STX18: variants seen among roughly 807,000 people sequenced by gnomAD.
STX18 encodes the protein syntaxin 18, also known as syntaxin-18.
STX18 carries 40 observed loss-of-function variants against 50.1 expected under a neutral mutation model. The observed-to-expected ratio is 0.80, with a 90% CI of 0.62 to 1.04. STX18 has a LOEUF of 1.04. Among genes scored for constraint, STX18 ranks in the 50% least tolerant of loss-of-function variants. The pLI is 0.00. For synonymous variants in STX18, 158 were observed against 151.8 expected (o/e 1.04, Z -0.30); for missense variants, 410 against 415.8 (o/e 0.99, Z 0.12).
intron 3 of STX18, among the ~76,000 whole-genome samples, chr4:4,458,310 T>C (rs1366548570): frequency 6.6e-6 from 1 of 152,224 alleles, no homozygotes; most frequent in African/African-American, 2.4e-5. Context: ...TGAATGTATA[T>C]GCCCTTAAGG....
intron 1 of STX18, among the ~76,000 whole-genome samples, chr4:4,532,975 G>A (rs373483443): frequency 1.3e-5 from 2 of 152,106 alleles, no homozygotes; most frequent in Admixed American, 6.5e-5. Flanking sequence ...CAAATTCCAT[G>A]GTAAGAACAT....
chr4:4,541,986 C>T lies in STX18; in HGVS notation c.-22G>A, dbSNP rs907418282. 2 of 1,564,564 alleles carry T rather than the reference C, an allele frequency of 1.3e-6. No homozygotes were observed. Among genetic ancestry groups the T allele is most frequent in the South Asian group, 2.3e-5 (2 of 85,742 alleles). ...CCATAGCGACCCGCACCCTCAGCCC[C>T]ACACTAGGCCCGCCCACGTAAGCAG... On this transcript the variant is annotated 5_prime_UTR_variant, in exon 1 of 11. Transcript: ENST00000306200.
At position 4,420,943 on chromosome 4, in the gene STX18, T is replaced by C. The variant is rs1412240004; in HGVS notation, c.833A>G (p.Glu278Gly). 2 of 1,613,986 alleles carry C rather than the reference T, an allele frequency of 1.2e-6. No individual in the cohort carries two copies. The highest frequency in any genetic ancestry group is 2.7e-5 in the African/African-American group (2 of 74,928). Residue 278 changes from glutamate (E) to glycine (G), a missense_variant and splice_region_variant, in exon 10 of 11, where the codon GAA becomes GGA. Glu to Gly is a moderately conservative substitution (Grantham distance 98, BLOSUM62 -2). Coordinates refer to ENST00000306200, the MANE Select transcript of STX18 (RefSeq NM_016930.4). The surrounding 1 kb of genome is among the most constrained non-coding windows in gnomAD (Gnocchi z 4.3). ...EIFTEKVLQQEAEIDSIHQLV... is the reference protein window; with the variant it reads ...EIFTEKVLQQGAEIDSIHQLV... Reference sequence around the variant, plus strand: ...CTGGTGAATGCTGTCAATCTCAGCTTCCTGTGGAAGAAAAGATAAATACAA... The same window carrying C: ...CTGGTGAATGCTGTCAATCTCAGCTCCCTGTGGAAGAAAAGATAAATACAA...
chr4:4,445,543 C>T (rs945689843), intron 5 of STX18, among the ~76,000 whole-genome samples: 7 of 150,802 alleles, frequency 4.6e-5, no homozygotes, highest in Admixed American at 2.6e-4. Flanking sequence ...ATACTAGCAA[C>T]GAGAAACTGG....
At chr4:4,465,813 A>G (rs1727593982) in intron 2 of STX18, among the ~76,000 whole-genome samples, 2 of 152,218 alleles carry the variant, frequency 1.3e-5, no homozygotes, top group South Asian at 4.1e-4. Context: ...TGCAGTACCT[A>G]TCATATCTGC....
chr4:4,434,314 G>A (rs1725669505), intron 7 of STX18, among the ~76,000 whole-genome samples: 1 of 152,188 alleles, frequency 6.6e-6, no homozygotes, highest in Admixed American at 6.5e-5. Flanking sequence ...TAGATGGTAA[G>A]CTATAGCAGC....
At chr4:4,467,388 G>C (rs889853006) in intron 2 of STX18, among the ~76,000 whole-genome samples, 1 of 152,182 alleles carries the variant, frequency 6.6e-6, no homozygotes, top group African/African-American at 2.4e-5. Context: ...AGGCAAGATG[G>C]AGTTGATTAG....
At chr4:4,530,155 T>C (rs867598450) in intron 1 of STX18, among the ~76,000 whole-genome samples, 11 of 152,268 alleles carry the variant, frequency 7.2e-5, no homozygotes, top group African/African-American at 2.4e-4. Flanking sequence ...CTGTTTTGCT[T>C]TTCATTTCAA....
At chr4:4,516,187 A>T (rs1447268406) in intron 1 of STX18, among the ~76,000 whole-genome samples, 1 of 152,186 alleles carries the variant, frequency 6.6e-6, no homozygotes, top group African/African-American at 2.4e-5. Flanking sequence ...TTAGACACAG[A>T]TGGGCTCTGT....
intron 1 of STX18, among the ~76,000 whole-genome samples, chr4:4,540,785 G>A (rs1731550354): frequency 6.6e-6 from 1 of 152,170 alleles, no homozygotes; most frequent in Non-Finnish European, 1.5e-5. Context: ...TCTGCTAACT[G>A]TCATTAATGC....
chr4:4,447,062 A>T (rs112807781), intron 5 of STX18, among the ~76,000 whole-genome samples: 1 of 152,242 alleles, frequency 6.6e-6, no homozygotes, highest in Non-Finnish European at 1.5e-5. Context: ...TAAACTGAGG[A>T]TCTGCTCCAT....
chr4:4,444,153 C>T lies in STX18; in HGVS notation c.498-5644G>A, dbSNP rs367949233. 7.9e-5 allele frequency among the ~76,000 whole-genome samples: 12 copies of T among 152,124 alleles called. No homozygotes were observed. In the South Asian group the frequency reaches 8.3e-4, roughly 11 times the overall value. On this transcript the variant is annotated intron_variant, in intron 5 of 10. Coordinates refer to ENST00000306200, the MANE Select transcript of STX18 (RefSeq NM_016930.4). ...GGGCTGCCATGTGGAGGTTGTTTGG[C>T]GGGAGGGTGGCTAAGTGAAGGTGTA...
chr4:4,520,233 T>C (rs946857504), intron 1 of STX18, among the ~76,000 whole-genome samples: 2 of 152,202 alleles, frequency 1.3e-5, no homozygotes, highest in African/African-American at 4.8e-5. Context: ...TTTTTGCATA[T>C]AGCTCAAAGA....
At chr4:4,504,247 T>A (rs1729590989) in intron 1 of STX18, among the ~76,000 whole-genome samples, 1 of 151,508 alleles carries the variant, frequency 6.6e-6, no homozygotes, top group African/African-American at 2.4e-5. Flanking sequence ...AGATTACTTA[T>A]TTTTTTTTCT....
At position 4,449,042 on chromosome 4, in the gene STX18, CTTTTTTTTTT is replaced by C. The variant is rs34106688; in HGVS notation, c.497+8139_497+8148del. 3.6e-5 allele frequency among the ~76,000 whole-genome samples: 4 copies of C among 110,172 alleles called. 1 individual carries two copies. In the South Asian group the frequency reaches 8.8e-4, roughly 24 times the overall value. 72.3% of individuals were successfully genotyped at this position (110,172 alleles called of 152,430 possible). On this transcript the variant is annotated intron_variant, in intron 5 of 10. Coordinates refer to ENST00000306200, the MANE Select transcript of STX18 (RefSeq NM_016930.4). ...TTCCATTTCTCCCTTGGACCCCATT[CTTTTTTTTTT>C]TTTTTTTTTTTTGAGATAAGGTCTC...
At chr4:4,439,634 C>CAT (rs1726002939) in intron 5 of STX18, among the ~76,000 whole-genome samples, 1 of 148,478 alleles carries the variant, frequency 6.7e-6, no homozygotes, top group South Asian at 2.1e-4. Context: ...CATACACACA[C>CAT]ATATATATAC....
intron 1 of STX18, among the ~76,000 whole-genome samples, chr4:4,503,354 C>T (rs971603491): frequency 1.3e-5 from 2 of 152,176 alleles, no homozygotes; most frequent in African/African-American, 4.8e-5. Flanking sequence ...ACCTATGCAT[C>T]ACCTTGAGAG....
At chr4:4,456,497 G>T (rs558362463) in intron 5 of STX18, among the ~76,000 whole-genome samples, 1 of 152,184 alleles carries the variant, frequency 6.6e-6, no homozygotes, top group Non-Finnish European at 1.5e-5. Flanking sequence ...GGGAAACCAG[G>T]CAGGCGCCAT....
chr4:4,439,278 A>T (rs1725968850), intron 5 of STX18, among the ~76,000 whole-genome samples: 1 of 118,538 alleles, frequency 8.4e-6, no homozygotes, highest in African/African-American at 6.1e-5. Context: ...CCACATAAAC[A>T]CACACACATA....
Sources: gnomAD v4.1 joint callset for allele counts (sites outside exome capture counted in the v4.1 genomes callset) on GRCh38, gnomAD v4.1.1 for gene constraint, Gnocchi (gnomAD v3.1) non-coding constraint, MANE v1.5 for transcripts, NCBI Gene and HGNC (gene_info 2026-07-23, HGNC 2026-07-21) for gene names.